The following ZFYVE27 variants were observed in gnomAD, a reference collection of about 807,000 sequenced individuals.
ZFYVE27 encodes the protein protrudin.
A neutral mutation model predicts 52.8 loss-of-function variants in ZFYVE27; 36 were observed. That is an observed-to-expected ratio of 0.68 (90% CI 0.52 to 0.90). The LOEUF is 0.90. Ranked by LOEUF, ZFYVE27 falls within the 40% of genes least tolerant of loss-of-function variation. ZFYVE27 has a pLI of 0.00. For missense variants in ZFYVE27, 450 were observed against 527.2 expected, an observed-to-expected ratio of 0.85 and a Z score of 1.43; for synonymous variants, 223 against 215.6, an observed-to-expected ratio of 1.03 and a Z score of -0.30.
At chr10:97,738,718 C>T (rs182681683) in intron 2 of ZFYVE27, 44 bp downstream of exon 2, 2,226 of 1,608,184 alleles carry the variant, frequency 1.4e-3, no homozygotes, top group Non-Finnish European at 1.7e-3. Context: ...TGCCTTCTGC[C>T]GTCCTGCTCT....
chr10:97,759,257 C>T lies in ZFYVE27; in HGVS notation c.1193C>T (p.Thr398Ile), dbSNP rs766376233. ...TCAGCCCCTGAAGCCCAGAGGGAGA[C>T]TGTGTTTGTGTGTGCCTCGTGTAAC... ...GATAPEAQRE[T>I]VFVCASCNQT... Residue 398 changes from threonine to isoleucine, a missense_variant, in exon 13 of 13, where the codon ACT becomes ATT. Thr to Ile is a moderately conservative substitution (Grantham distance 89). Coordinates refer to ENST00000684270, the MANE Select transcript of ZFYVE27 (RefSeq NM_001385875.1). The T allele has an allele frequency of 1.2e-6, 2 of 1,614,172 alleles. No homozygotes were observed. The highest frequency in any genetic ancestry group is 3.3e-5 in the Admixed American group (2 of 60,026).
chr10:97,746,433 T>C (rs1240046719), intron 4 of ZFYVE27, among the ~76,000 whole-genome samples: 2 of 152,232 alleles, frequency 1.3e-5, no homozygotes, highest in Non-Finnish European at 2.9e-5. Context: ...CATTTTGCCA[T>C]GTTGGCTTCG....
chr10:97,746,045 A>AT (rs2045285609), intron 4 of ZFYVE27, among the ~76,000 whole-genome samples: 1 of 58,222 alleles, frequency 1.7e-5, no homozygotes, highest in South Asian at 5.2e-4. Flanking sequence ...ATATATATAT[A>AT]TATATATTTT....
At chr10:97,757,031 G>T (rs1369672025) in intron 10 of ZFYVE27, among the ~76,000 whole-genome samples, 3 of 152,180 alleles carry the variant, frequency 2.0e-5, no homozygotes, top group African/African-American at 7.2e-5. Context: ...GCTCTGGAAG[G>T]GTTCAGGGAC....
chr10:97,756,774 G>T (rs184563709), intron 10 of ZFYVE27, among the ~76,000 whole-genome samples: 29 of 152,308 alleles, frequency 1.9e-4, no homozygotes, highest in Admixed American at 5.9e-4. Context: ...CTTGGAATGT[G>T]CCTGGCTCTG....
At chr10:97,751,218 C>T (rs562027462) in intron 7 of ZFYVE27, among the ~76,000 whole-genome samples, 173 bp from the exon 8 acceptor site, 27 of 152,322 alleles carry the variant, frequency 1.8e-4, no homozygotes, top group African/African-American at 6.5e-4. Flanking sequence ...GTTTCCATCT[C>T]CCCCGCCCTG....
chr10:97,759,379 C>A lies in ZFYVE27; in HGVS notation c.*79C>A. 1 of 1,502,124 alleles carries A rather than the reference C, an allele frequency of 6.7e-7. No individual in the cohort carries two copies. The highest frequency in any genetic ancestry group is 9.3e-7 in the Non-Finnish European group (1 of 1,080,112). The allele number at this position is 1,502,124 out of a possible 1,614,324, so 93.0% of individuals were successfully genotyped here. On this transcript the variant is annotated 3_prime_UTR_variant, in exon 13 of 13. Transcript: ENST00000684270. Reference sequence around the variant, plus strand: ...CCCCACTCTCCCCACCCCTGGCCCACTGTGGTGTGTGCTGGGCAAATGTGG... The same window carrying A: ...CCCCACTCTCCCCACCCCTGGCCCAATGTGGTGTGTGCTGGGCAAATGTGG...
At chr10:97,738,350 T>C in intron 1 of ZFYVE27, 127 bp from the exon 2 acceptor site, 1 of 998,412 alleles carries the variant, frequency 1.0e-6, no homozygotes, top group Non-Finnish European at 1.6e-6. Context: ...AAGAACAGGA[T>C]TTTAGGTCTG....
chr10:97,758,977 T>A (rs1302229903), intron 12 of ZFYVE27, among the ~76,000 whole-genome samples: 1 of 152,164 alleles, frequency 6.6e-6, no homozygotes, highest in African/African-American at 2.4e-5. Flanking sequence ...TATTTAAAAA[T>A]TTTTGAAGGT....
chr10:97,755,512 G>C (rs946634392), intron 10 of ZFYVE27, among the ~76,000 whole-genome samples: 2 of 152,228 alleles, frequency 1.3e-5, no homozygotes, highest in Admixed American at 1.3e-4. Flanking sequence ...TCATGAGAAG[G>C]TGGGAGGGGC....
rs566755794 is a variant in ZFYVE27, at chr10:97,745,052, G to A, written c.455+137G>A. ...CATTTAACCTTTTTAACAGTTCCGG[G>A]AGGTAGTTAATATTAACATCTTCCA... On this transcript the variant is annotated intron_variant, in intron 4 of 12. Coordinates refer to ENST00000684270, the MANE Select transcript of ZFYVE27 (RefSeq NM_001385875.1). 5 of 1,061,580 alleles carry A rather than the reference G, an allele frequency of 4.7e-6. No individual in the cohort carries two copies. The East Asian group carries it at 1.3e-4, about 28-fold the overall frequency. 65.8% of individuals were successfully genotyped at this position (1,061,580 alleles called of 1,614,324 possible).
At chr10:97,741,231 A>AT (rs1460426307) in intron 2 of ZFYVE27, among the ~76,000 whole-genome samples, 2 of 152,230 alleles carry the variant, frequency 1.3e-5, no homozygotes, top group Non-Finnish European at 1.5e-5. Context: ...GGAAGCAGAA[A>AT]TACCATTTTA....
chr10:97,744,601 C>T (rs1302424538), intron 3 of ZFYVE27, 128 bp from the exon 4 acceptor site: 4 of 1,071,754 alleles, frequency 3.7e-6, no homozygotes, highest in Middle Eastern at 2.9e-4. Context: ...CTGTGTCGTA[C>T]AGAGCTATCA....
chr10:97,745,494 G>C (rs141987675), intron 4 of ZFYVE27, among the ~76,000 whole-genome samples: 1 of 152,136 alleles, frequency 6.6e-6, no homozygotes, highest in Non-Finnish European at 1.5e-5. Context: ...CTTTCTGCTG[G>C]AGAGACAGTT....
At chr10:97,756,661 AC>A (rs936257878) in intron 10 of ZFYVE27, among the ~76,000 whole-genome samples, 3 of 151,918 alleles carry the variant, frequency 2.0e-5, no homozygotes, top group Non-Finnish European at 4.4e-5. Flanking sequence ...TTTAGGCAGG[AC>A]CTCTCCCTGC....
At chr10:97,750,651 G>T (rs570919601) in intron 7 of ZFYVE27, among the ~76,000 whole-genome samples, 181 bp downstream of exon 7, 4 of 152,098 alleles carry the variant, frequency 2.6e-5, no homozygotes, top group African/African-American at 4.8e-5. Context: ...GCTTCACTGA[G>T]TGCTTACCCT....
intron 10 of ZFYVE27, among the ~76,000 whole-genome samples, chr10:97,756,312 A>G (rs2048327114): frequency 6.6e-6 from 1 of 152,086 alleles, no homozygotes; most frequent in South Asian, 2.1e-4. Flanking sequence ...TTGGCCTCAG[A>G]TTTCCCCTGG....
rs116366646 is a variant in ZFYVE27, at chr10:97,748,329, C to G, written c.516C>G (p.Arg172=). 2 of 1,614,156 alleles carry G rather than the reference C, an allele frequency of 1.2e-6. No individual in the cohort carries two copies. The highest frequency in any genetic ancestry group is 2.2e-5 in the South Asian group (2 of 91,082). ...RLCCTCEAAY[R]VLHWENPVVS... ...GCTGCACATGTGAAGCCGCCTACCG[C>G]GTGCTGCACTGGGAGAACCCCGTCG... Residue 172 remains arginine, a synonymous_variant, in exon 5 of 13, where the codon CGC becomes CGG. Transcript: ENST00000684270.
chr10:97,759,173 T>G, intron 12 of ZFYVE27, 63 bp from the exon 13 acceptor site: 3 of 1,579,844 alleles, frequency 1.9e-6, no homozygotes, highest in Non-Finnish European at 2.6e-6. Context: ...GTGCTTCTAG[T>G]AGTTGGGGCC....
Sources: allele counts gnomAD v4.1 joint callset (sites outside exome capture counted in the v4.1 genomes callset), GRCh38; gene constraint gnomAD v4.1.1; transcripts MANE v1.5; gene names NCBI Gene and HGNC (gene_info 2026-07-23, HGNC 2026-07-21).